BMPER: variants seen among roughly 807,000 people sequenced by gnomAD.
BMPER encodes the protein BMP binding endothelial regulator.
A neutral mutation model predicts 87.3 loss-of-function variants in BMPER; 45 were observed. The ratio of observed to expected loss-of-function variants is 0.52; its 90% CI spans 0.41 to 0.66. The LOEUF is 0.66. Among genes scored for constraint, BMPER ranks in the 30% least tolerant of loss-of-function variants. BMPER has a pLI of 0.00. For missense variants in BMPER, 784 were observed against 867.5 expected, an observed-to-expected ratio of 0.90 and a Z score of 1.21; for synonymous variants, 326 against 316.2, an observed-to-expected ratio of 1.03 and a Z score of -0.33.
At chr7:34,098,709 G>T (rs1178066392) in intron 13 of BMPER, among the ~76,000 whole-genome samples, 5 of 152,144 alleles carry the variant, frequency 3.3e-5, no homozygotes, top group African/African-American at 1.2e-4. Context: ...ACCCCTGAAA[G>T]CTTTTCCATA....
chr7:34,082,478 A>G (rs1789078691), intron 12 of BMPER, among the ~76,000 whole-genome samples: 1 of 152,094 alleles, frequency 6.6e-6, no homozygotes, highest in South Asian at 2.1e-4. Flanking sequence ...ATCCCTTCAC[A>G]ATGCAAAGCC....
In BMPER at chr7:34,153,252, A is replaced by C; in HGVS notation, c.2037A>C (p.Pro679=). The C allele has an allele frequency of 6.2e-7, 1 of 1,614,100 alleles. No individual in the cohort carries two copies. The highest frequency in any genetic ancestry group is 2.2e-5 in the East Asian group (1 of 44,866). ...LVLHKGRCIK[P]VLCPQR ...TTCACAAGGGAAGGTGCATCAAGCC[A>C]GTCCTTTGTCCCCAGCGGTGACCTT... Residue 679 remains proline (P), a synonymous_variant, in exon 15 of 15, where the codon CCA becomes CCC. Coordinates refer to ENST00000649409, the MANE Select transcript of BMPER (RefSeq NM_001365308.1).
chr7:34,020,559 A>G (rs537590071), intron 6 of BMPER, among the ~76,000 whole-genome samples: 49 of 152,012 alleles, frequency 3.2e-4, no homozygotes, highest in Admixed American at 8.5e-4. Context: ...TGGGTACATC[A>G]TGGGAATCTG....
intron 9 of BMPER, among the ~76,000 whole-genome samples, chr7:34,057,425 G>A (rs868059457): frequency 2.0e-5 from 3 of 152,174 alleles, no homozygotes; most frequent in African/African-American, 4.8e-5. Flanking sequence ...ATGCTGCCCT[G>A]CATTTTAAGA....
intron 5 of BMPER, 109 bp downstream of exon 5, chr7:33,970,528 C>T: frequency 8.7e-7 from 1 of 1,148,476 alleles, no homozygotes; most frequent in Non-Finnish European, 1.3e-6. Context: ...CATCTGTGTA[C>T]CTAATGGGTT....
At chr7:33,992,780 A>C (rs4260796) in intron 6 of BMPER, among the ~76,000 whole-genome samples, 1 of 133,186 alleles carries the variant, frequency 7.5e-6, no homozygotes, top group Admixed American at 7.5e-5. Flanking sequence ...CATGTTTAGC[A>C]CTTCCTTCAG....
intron 6 of BMPER, among the ~76,000 whole-genome samples, chr7:34,019,352 A>T (rs1363360520): frequency 2.0e-5 from 3 of 151,992 alleles, no homozygotes; most frequent in Non-Finnish European, 4.4e-5. Flanking sequence ...GAGGGCCAAG[A>T]TCAAGGGCTT....
chr7:34,154,972 G>T lies in BMPER; in HGVS notation c.*1699G>T, dbSNP rs1264399821. 4 of 152,046 alleles carry T rather than the reference G, an allele frequency of 2.6e-5. No individual in the cohort carries two copies. The East Asian group carries it at 7.7e-4, about 29-fold the overall frequency. The allele number at this position is 152,046 out of a possible 1,614,324, so 9.4% of individuals were successfully genotyped here. A position where few individuals can be genotyped will look rare whatever the true frequency, so the allele number is the denominator to read the frequency against. On this transcript the variant is annotated 3_prime_UTR_variant, in exon 15 of 15. Coordinates refer to ENST00000649409, the MANE Select transcript of BMPER (RefSeq NM_001365308.1). ...GTGCTTTGGGATCTAAGTGTGGTTT[G>T]TGACTATCCCCATTATTTAAGCATT... is the stretch of plus-strand genomic sequence containing the variant.
intron 6 of BMPER, among the ~76,000 whole-genome samples, chr7:33,992,684 T>G (rs1482895451): frequency 6.6e-6 from 1 of 150,756 alleles, no homozygotes; most frequent in Non-Finnish European, 1.5e-5. Flanking sequence ...TTATTTTGCT[T>G]ATTAGTTGAT....
At chr7:33,978,695 A>T (rs1283203295) in intron 6 of BMPER, among the ~76,000 whole-genome samples, 1 of 152,202 alleles carries the variant, frequency 6.6e-6, no homozygotes, top group Non-Finnish European at 1.5e-5. Context: ...TGATAAATGC[A>T]TTGTAAGTTG....
chr7:33,965,431 A>G, intron 3 of BMPER, among the ~76,000 whole-genome samples: 1 of 152,060 alleles, frequency 6.6e-6, no homozygotes, highest in Non-Finnish European at 1.5e-5. Flanking sequence ...AAAAGTTCTC[A>G]TGGAAGGAGT....
chr7:33,994,881 T>C (rs1424419333), intron 6 of BMPER, among the ~76,000 whole-genome samples: 2 of 152,128 alleles, frequency 1.3e-5, no homozygotes, highest in Non-Finnish European at 2.9e-5. Context: ...GTTAGAATCT[T>C]TTCAGTTCTA....
intron 13 of BMPER, among the ~76,000 whole-genome samples, chr7:34,141,455 C>T (rs1436370948): frequency 1.3e-5 from 2 of 151,724 alleles, no homozygotes; most frequent in Admixed American, 6.6e-5. Context: ...ACCAAAAATA[C>T]AAAAAATTAG....
At chr7:33,983,474 G>A (rs142904783) in intron 6 of BMPER, among the ~76,000 whole-genome samples, 97 of 152,236 alleles carry the variant, frequency 6.4e-4, no homozygotes, top group African/African-American at 2.2e-3. Flanking sequence ...TATTGATAAT[G>A]GTTATTATTA....
chr7:34,027,320 C>T (rs1787384083), intron 6 of BMPER, among the ~76,000 whole-genome samples: 1 of 152,040 alleles, frequency 6.6e-6, no homozygotes, highest in Non-Finnish European at 1.5e-5. Context: ...GGAGTCAGCA[C>T]AGAGCAAGAC....
Position 34,058,172 on chromosome 7 carries a change from G to A in BMPER, c.1032+9G>A. 1 of 1,610,798 alleles carries A rather than the reference G, an allele frequency of 6.2e-7. No individual in the cohort carries two copies. The highest frequency in any genetic ancestry group is 1.1e-5 in the South Asian group (1 of 90,972). ...TCAGTAGCTGCCCACAGGTATGTTT[G>A]GAACACAGATTGACTTTACCTTAGC... is the stretch of plus-strand genomic sequence containing the variant. On this transcript the variant is annotated intron_variant, in intron 10 of 14. Coordinates refer to ENST00000649409, the MANE Select transcript of BMPER (RefSeq NM_001365308.1).
chr7:34,089,013 A>G (rs1789300400), intron 13 of BMPER, among the ~76,000 whole-genome samples: 1 of 152,156 alleles, frequency 6.6e-6, no homozygotes, highest in African/African-American at 2.4e-5. Flanking sequence ...ACTTGTAAAT[A>G]ATGTTGAAAA....
chr7:34,145,119 G>A (rs1255782629), intron 14 of BMPER, among the ~76,000 whole-genome samples: 5 of 152,160 alleles, frequency 3.3e-5, no homozygotes, highest in African/African-American at 1.2e-4. Context: ...AATTGGCCTT[G>A]TGTACCTTTT....
intron 2 of BMPER, chr7:33,921,981 A>G (rs1784244057): frequency 2.5e-6 from 1 of 396,064 alleles, no homozygotes; most frequent in Non-Finnish European, 5.2e-6. Context: ...CTGGCAACTT[A>G]CAGCCAGCAG....
Sources: allele counts gnomAD v4.1 joint callset (sites outside exome capture counted in the v4.1 genomes callset), GRCh38; gene constraint gnomAD v4.1.1; transcripts MANE v1.5; gene names NCBI Gene and HGNC (gene_info 2026-07-23, HGNC 2026-07-21).